The following EEPD1 variants were observed in gnomAD, a reference collection of about 807,000 sequenced individuals.
The protein encoded by EEPD1 is endonuclease/exonuclease/phosphatase family domain containing 1.
In EEPD1, 17 loss-of-function variants were observed where a neutral mutation model predicts 46.3. That is an observed-to-expected ratio of 0.37 (90% CI 0.25 to 0.55). The LOEUF (loss-of-function observed/expected upper bound fraction) is 0.55. Ranked by LOEUF, EEPD1 falls within the 20% of genes least tolerant of loss-of-function variation. The probability of loss-of-function intolerance (pLI) is 0.83; values close to 1 mark genes in which losing one functional copy is unlikely to be tolerated. For synonymous variants in EEPD1, 313 were observed against 315.6 expected (o/e 0.99, Z 0.09); for missense variants, 673 against 745.6 (o/e 0.90, Z 1.13).
intron 2 of EEPD1, among the ~76,000 whole-genome samples, chr7:36,159,186 A>G (rs1784867186): frequency 6.6e-6 from 1 of 152,382 alleles, no homozygotes; most frequent in Admixed American, 6.5e-5. Context: ...GTGTGCATAT[A>G]TAAGCTAATT....
rs1473029636 is a variant in EEPD1, at chr7:36,299,212, C to T, written c.*6C>T. The T allele has an allele frequency of 6.2e-7, 1 of 1,613,002 alleles. No homozygotes were observed. Among genetic ancestry groups the T allele is most frequent in the East Asian group, 2.2e-5 (1 of 44,826 alleles). Reference sequence around the variant, plus strand: ...ACATCAAGCACGAGCGATGATGACACCAAATCCATGTGTCCACCCTGGGAC... The same window carrying T: ...ACATCAAGCACGAGCGATGATGACATCAAATCCATGTGTCCACCCTGGGAC... On this transcript the variant is annotated 3_prime_UTR_variant, in exon 8 of 8. Transcript: ENST00000242108.
chr7:36,160,262 A>G (rs1784881812), intron 2 of EEPD1, among the ~76,000 whole-genome samples: 1 of 152,238 alleles, frequency 6.6e-6, no homozygotes, highest in African/African-American at 2.4e-5. Flanking sequence ...CCCTGCACTC[A>G]TGGAACTTCT....
chr7:36,290,860 CA>C lies in EEPD1; in HGVS notation c.1315+3086del, dbSNP rs779405804. On this transcript the variant is annotated intron_variant, in intron 6 of 7. Coordinates refer to ENST00000242108, the MANE Select transcript of EEPD1 (RefSeq NM_030636.3). ...TCACTGCTGGGAATCAAGGGAGCGACAAAGGAGCCCAGCCCAGGTGGGTGGC... is the reference window on the plus strand; with the variant it reads ...TCACTGCTGGGAATCAAGGGAGCGACAAGGAGCCCAGCCCAGGTGGGTGGC... 2.0e-4 allele frequency among the ~76,000 whole-genome samples: 31 copies of C among 152,208 alleles called. 1 individual carries two copies. The highest frequency in any genetic ancestry group is 4.1e-4 in the Non-Finnish European group (28 of 68,038).
intron 2 of EEPD1, among the ~76,000 whole-genome samples, chr7:36,232,787 C>T (rs1156496101): frequency 1.3e-5 from 2 of 151,636 alleles, no homozygotes; most frequent in East Asian, 3.9e-4. Flanking sequence ...AGGACAGTAA[C>T]TCATGAGAGC....
At chr7:36,227,628 GA>G (rs1399086840) in intron 2 of EEPD1, among the ~76,000 whole-genome samples, 6 of 152,278 alleles carry the variant, frequency 3.9e-5, no homozygotes, top group Admixed American at 6.5e-5. Flanking sequence ...CAAGAGACAA[GA>G]AATTTTTGGC....
chr7:36,168,178 T>G (rs1353759216), intron 2 of EEPD1, among the ~76,000 whole-genome samples: 8 of 152,224 alleles, frequency 5.3e-5, no homozygotes, highest in Non-Finnish European at 1.0e-4. Flanking sequence ...TTTGGCACAG[T>G]AGCACTCAGG....
At chr7:36,252,852 T>G (rs1172134685) in intron 3 of EEPD1, among the ~76,000 whole-genome samples, 1 of 147,350 alleles carries the variant, frequency 6.8e-6, no homozygotes, top group East Asian at 2.0e-4. Context: ...TTTTTTTTTT[T>G]TTTTTTTGAT....
chr7:36,261,434 G>A lies in EEPD1; in HGVS notation c.931-19681G>A, dbSNP rs566542655. Among the ~76,000 whole-genome samples the A allele has an allele frequency of 5.3e-5, 8 of 152,240 alleles. No homozygotes were observed. In the South Asian group the frequency reaches 8.3e-4, roughly 16 times the overall value. On this transcript the variant is annotated intron_variant, in intron 3 of 7. Transcript: ENST00000242108. ...AAGAAAATGTGCCCAACTCACTGCT[G>A]TTCCTTCAAAATTGTTGCACCTAGC...
chr7:36,213,020 G>A (rs905454355), intron 2 of EEPD1, among the ~76,000 whole-genome samples: 5 of 152,154 alleles, frequency 3.3e-5, no homozygotes, highest in Admixed American at 6.5e-5. Flanking sequence ...AGGTATGGTG[G>A]CATACGCCTG....
At chr7:36,167,771 A>G (rs1785010610) in intron 2 of EEPD1, among the ~76,000 whole-genome samples, 1 of 152,118 alleles carries the variant, frequency 6.6e-6, no homozygotes. Context: ...GCTGAAGTGC[A>G]GTGGCGCCAT....
intron 3 of EEPD1, among the ~76,000 whole-genome samples, chr7:36,277,515 GTGAGT>G (rs1435396331): frequency 6.6e-6 from 1 of 152,220 alleles, no homozygotes; most frequent in Admixed American, 6.5e-5. Flanking sequence ...GGGTGGGCCT[GTGAGT>G]TTGCATTTCT....
intron 2 of EEPD1, chr7:36,228,701 G>A (rs1481913448): frequency 6.6e-6 from 1 of 152,156 alleles, no homozygotes; most frequent in Admixed American, 6.5e-5. Flanking sequence ...ATAGATAGGA[G>A]GATATTCGTG....
chr7:36,247,614 C>G (rs1786661177), intron 3 of EEPD1, among the ~76,000 whole-genome samples: 1 of 152,182 alleles, frequency 6.6e-6, no homozygotes. Context: ...GCAGACAGGA[C>G]ATTGAGGCCA....
At position 36,153,406 on chromosome 7, in the gene EEPD1, T is replaced by C. The variant is rs1007931077; in HGVS notation, c.-461T>C. 3 of 152,110 alleles carry C rather than the reference T, an allele frequency of 2.0e-5. No individual in the cohort carries two copies. Among genetic ancestry groups the C allele is most frequent in the African/African-American group, 7.2e-5 (3 of 41,408 alleles). The allele number at this position is 152,110 out of a possible 1,614,324, so 9.4% of individuals were successfully genotyped here. ...CGCCGCCGCAAGCCCCGGTGCAGCC[T>C]CGGCGGCGGGTTTCGCCGCCGCTGC... On this transcript the variant is annotated 5_prime_UTR_variant, in exon 1 of 8. Transcript: ENST00000242108.
intron 3 of EEPD1, among the ~76,000 whole-genome samples, chr7:36,259,445 T>C (rs1258835940): frequency 1.3e-5 from 2 of 152,230 alleles, no homozygotes; most frequent in Admixed American, 1.3e-4. Flanking sequence ...CCTTTTGTGC[T>C]ATTGTCTATG....
At position 36,154,780 on chromosome 7, in the gene EEPD1, C is replaced by G; in HGVS notation, c.456C>G (p.Gly152=). 1 of 1,614,182 alleles carries G rather than the reference C, an allele frequency of 6.2e-7. No homozygotes were observed. Among genetic ancestry groups the G allele is most frequent in the Non-Finnish European group, 8.5e-7 (1 of 1,180,026 alleles). Residue 152 remains glycine, a synonymous_variant, in exon 2 of 8, where the codon GGC becomes GGG. Coordinates refer to ENST00000242108, the MANE Select transcript of EEPD1 (RefSeq NM_030636.3). The surrounding 1 kb of genome is among the most constrained non-coding windows in gnomAD (Gnocchi z 4.2). ...CGGCCCAGCTCATGAGCGTGCGAGG[C>G]CTCTCGGAGAAAATGGCCCTCAGCA... ...ATPAQLMSVR[G]LSEKMALSIV... is the part of the protein sequence containing the mutation.
intron 2 of EEPD1, among the ~76,000 whole-genome samples, chr7:36,179,303 C>A (rs759861865): frequency 1.1e-4 from 17 of 152,118 alleles, no homozygotes; most frequent in Non-Finnish European, 2.1e-4. Flanking sequence ...AGTTTAGCTG[C>A]ATTTTATAAG....
chr7:36,279,107 G>A (rs955441178), intron 3 of EEPD1, among the ~76,000 whole-genome samples: 4 of 127,382 alleles, frequency 3.1e-5, no homozygotes, highest in African/African-American at 9.2e-5. Flanking sequence ...CCGCATCCCC[G>A]ACCCCCTTCC....
intron 3 of EEPD1, among the ~76,000 whole-genome samples, chr7:36,250,743 A>G (rs755031256): frequency 2.6e-5 from 4 of 152,186 alleles, no homozygotes; most frequent in Non-Finnish European, 2.9e-5. Context: ...CCCTCATCCC[A>G]GAAAGATGCG....
Sources: gnomAD v4.1 joint callset for allele counts (sites outside exome capture counted in the v4.1 genomes callset) on GRCh38, gnomAD v4.1.1 for gene constraint, Gnocchi (gnomAD v3.1) non-coding constraint, MANE v1.5 for transcripts, NCBI Gene and HGNC (gene_info 2026-07-23, HGNC 2026-07-21) for gene names.